Variants in ABR observed in about 807,000 individuals in gnomAD.
The protein encoded by ABR is ABR activator of RhoGEF and GTPase, also known as active breakpoint cluster region-related protein.
A neutral mutation model predicts 107.2 loss-of-function variants in ABR; 35 were observed. The observed-to-expected ratio is 0.33, with a 90% CI of 0.25 to 0.43. ABR has a LOEUF of 0.43. Among genes scored for constraint, ABR ranks in the 20% least tolerant of loss-of-function variants. ABR has a pLI of 1.00. For missense variants in ABR, 815 were observed against 1,115.2 expected, an observed-to-expected ratio of 0.73 and a Z score of 3.83; for synonymous variants, 498 against 462.0, an observed-to-expected ratio of 1.08 and a Z score of -1.00.
At position 1,067,171 on chromosome 17, in the gene ABR, G is replaced by A; in HGVS notation, c.1088C>T (p.Ser363Phe). ...GGGGTGCACCTGGGGGCTGGCCTCA[G>A]ACTCCTCGGGGGATGGAAACACCAG... ...ADLVFPSPEESEASPQVHPFP... is the reference protein window; with the variant it reads ...ADLVFPSPEEFEASPQVHPFP... The change falls in exon 10 of 23, where the codon TCT becomes TTT. Residue 363 changes from serine to phenylalanine, a missense_variant. Physicochemically the swap from Ser to Phe is radical, Grantham distance 155 (BLOSUM62 -2). Transcript: ENST00000302538. The A allele has an allele frequency of 6.2e-7, 1 of 1,613,776 alleles. No homozygotes were observed. Among genetic ancestry groups the A allele is most frequent in the Non-Finnish European group, 8.5e-7 (1 of 1,179,886 alleles).
chr17:1,195,344 C>G (rs2042537341), intron 1 of ABR, among the ~76,000 whole-genome samples: 1 of 150,262 alleles, frequency 6.7e-6, no homozygotes, highest in South Asian at 2.2e-4. Context: ...GATCCTCCCA[C>G]CTTGGCCTCT....
At chr17:1,083,325 TA>T in intron 5 of ABR, 194 bp downstream of exon 5, 1 of 215,234 alleles carries the variant, frequency 4.6e-6, no homozygotes, top group Non-Finnish European at 9.0e-6. Context: ...AAGAGAATAA[TA>T]AAAAAATAAA....
At chr17:1,173,483 C>T (rs2041821819) in intron 1 of ABR, among the ~76,000 whole-genome samples, 1 of 151,622 alleles carries the variant, frequency 6.6e-6, no homozygotes, top group African/African-American at 2.4e-5. Context: ...GGCTCAAGCT[C>T]AGCCAAACAG....
In ABR at chr17:1,194,530, C is replaced by T. The variant is rs1456308104; in HGVS notation, c.838+34263G>A. On this transcript the variant is annotated intron_variant, in intron 1 of 22. Transcript: ENST00000574139. Reference sequence around the variant, plus strand: ...TTTTTAGAGACAAGTCTCACTCTATCGCCCAGACTGGAGTGTAGTGGTGCA... The same window carrying T: ...TTTTTAGAGACAAGTCTCACTCTATTGCCCAGACTGGAGTGTAGTGGTGCA... 6.9e-5 allele frequency among the ~76,000 whole-genome samples: 9 copies of T among 129,580 alleles called. 1 individual carries two copies. The highest frequency in any genetic ancestry group is 2.4e-4 in the African/African-American group (9 of 38,054). The allele number at this position is 129,580 out of a possible 152,430, so 85.0% of individuals were successfully genotyped here. A position where few individuals can be genotyped will look rare whatever the true frequency, so the allele number is the denominator to read the frequency against.
intron 1 of ABR, among the ~76,000 whole-genome samples, chr17:1,126,953 C>CG (rs1014149932): frequency 6.6e-6 from 1 of 152,188 alleles, no homozygotes; most frequent in Non-Finnish European, 1.5e-5. Context: ...AAGTTCTCCA[C>CG]GGGGGCCCCA....
In ABR at chr17:1,050,005, C is replaced by T. The variant is rs2151025447; in HGVS notation, c.1791+45G>A. On this transcript the variant is annotated intron_variant, in intron 16 of 22. Transcript: ENST00000302538. The surrounding 1 kb of genome is among the most constrained non-coding windows in gnomAD (Gnocchi z 4.6). Reference sequence around the variant, plus strand: ...CAGAATTCCTTTTCAACTGGAACCACCTCCTGGAGGCTCCCTCAGCCTCGC... The same window carrying T: ...CAGAATTCCTTTTCAACTGGAACCATCTCCTGGAGGCTCCCTCAGCCTCGC... 1 of 1,588,942 alleles carries T rather than the reference C, an allele frequency of 6.3e-7. No individual in the cohort carries two copies. Among genetic ancestry groups the T allele is most frequent in the East Asian group, 2.2e-5 (1 of 44,540 alleles).
chr17:1,091,876 C>T (rs774031333), intron 3 of ABR, 26 bp from the exon 4 acceptor site: 1 of 1,603,180 alleles, frequency 6.2e-7, no homozygotes, highest in Admixed American at 1.7e-5. Context: ...GAAGAAAGAG[C>T]AGAGGTCGGG....
intron 18 of ABR, 50 bp downstream of exon 18, chr17:1,012,638 G>A (rs1158395411): frequency 2.8e-6 from 4 of 1,415,302 alleles, no homozygotes; most frequent in Non-Finnish European, 3.9e-6. Context: ...CGGGCTGGGG[G>A]GGACCCGGGG....
chr17:1,191,347 T>C (rs2042428570), upstream of ABR, among the ~76,000 whole-genome samples: 2 of 125,080 alleles, frequency 1.6e-5, no homozygotes, highest in Admixed American at 8.5e-5. Context: ...TCCAGCATTT[T>C]TCTTTTCTTT....
At position 1,202,227 on chromosome 17, in the gene ABR, C is replaced by T. The variant is rs562236016; in HGVS notation, c.838+26566G>A. 2.6e-5 allele frequency among the ~76,000 whole-genome samples: 4 copies of T among 152,160 alleles called. No individual in the cohort carries two copies. The East Asian group carries it at 7.8e-4, about 30-fold the overall frequency. ...ATTTTTAGCATAGATGGGGTTTCCC[C>T]ATGTTGGCTAGGCTGGTCTCCAACT... is the stretch of plus-strand genomic sequence containing the variant. On this transcript the variant is annotated intron_variant, in intron 1 of 22. Transcript: ENST00000574139.
intron 1 of ABR, among the ~76,000 whole-genome samples, chr17:1,171,930 C>CA (rs1236546708): frequency 6.6e-6 from 1 of 152,036 alleles, no homozygotes; most frequent in Admixed American, 6.6e-5. Context: ...AAATCTGTCT[C>CA]AAAAAAATGA....
At chr17:1,040,179 C>T (rs1252154707) in intron 16 of ABR, among the ~76,000 whole-genome samples, 1 of 152,160 alleles carries the variant, frequency 6.6e-6, no homozygotes, top group African/African-American at 2.4e-5. Context: ...GCTCTGGGCT[C>T]ACAACCCAGG....
chr17:1,202,538 T>C (rs1187313858), intron 1 of ABR, among the ~76,000 whole-genome samples: 1 of 152,188 alleles, frequency 6.6e-6, no homozygotes, highest in Non-Finnish European at 1.5e-5. Flanking sequence ...TCAGAGTATT[T>C]CCCCTATGGA....
intron 16 of ABR, among the ~76,000 whole-genome samples, chr17:1,028,228 T>C (rs1274877388): frequency 6.6e-6 from 1 of 151,340 alleles, no homozygotes; most frequent in Non-Finnish European, 1.5e-5. Context: ...GCAGCTGGGA[T>C]TACAGGTGCC....
At chr17:1,151,773 G>A (rs751065250) in intron 1 of ABR, among the ~76,000 whole-genome samples, 1 of 152,178 alleles carries the variant, frequency 6.6e-6, no homozygotes, top group Non-Finnish European at 1.5e-5. Context: ...GAACATCACT[G>A]CCTCCTCCCC....
chr17:1,057,147 C>G, intron 12 of ABR, 45 bp from the exon 13 acceptor site: 1 of 1,326,876 alleles, frequency 7.5e-7, no homozygotes, highest in Non-Finnish European at 1.1e-6. Context: ...CACTGGTCCA[C>G]CAGGACCGGC....
Position 1,009,683 on chromosome 17 carries a change from T to G in ABR, c.2338A>C (p.Lys780Gln). The change falls in exon 21 of 23, where the codon AAA becomes CAA. Residue 780 changes from lysine (K) to glutamine (Q), a missense_variant. By Grantham distance (53) the Lys-to-Gln change is moderately conservative. Transcript: ENST00000302538. ...ITFLFLLEHL[K>Q]RVAEKEPINK... is the part of the protein sequence containing the mutation. ...GTTGGGGCCGCTCCCCGTTACCTTT[T>G]CAAGTGTTCCAGCAGGAAGAGGAAG... 2 of 1,613,274 alleles carry G rather than the reference T, an allele frequency of 1.2e-6. No homozygotes were observed. The highest frequency in any genetic ancestry group is 1.7e-6 in the Non-Finnish European group (2 of 1,179,300).
intron 16 of ABR, among the ~76,000 whole-genome samples, chr17:1,034,957 A>C (rs2073057575): frequency 6.6e-6 from 1 of 152,020 alleles, no homozygotes; most frequent in Admixed American, 6.6e-5. Flanking sequence ...TAGGTAAAGC[A>C]AGCTCGGACT....
chr17:1,188,458 G>A (rs1177078705), upstream of ABR, among the ~76,000 whole-genome samples: 1 of 151,858 alleles, frequency 6.6e-6, no homozygotes, highest in East Asian at 1.9e-4. Flanking sequence ...GCTGAGGCAG[G>A]AGAATCGCTT....
Sources: allele counts gnomAD v4.1 joint callset (sites outside exome capture counted in the v4.1 genomes callset), GRCh38; gene constraint gnomAD v4.1.1; non-coding constraint Gnocchi (gnomAD v3.1); transcripts MANE v1.5; gene names NCBI Gene and HGNC (gene_info 2026-07-23, HGNC 2026-07-21).